The following MGST2 variants were observed in gnomAD, a reference collection of about 807,000 sequenced individuals.
The protein encoded by MGST2 is glutathione peroxidase MGST2.
A neutral mutation model predicts 16.6 loss-of-function variants in MGST2; 9 were observed. The observed-to-expected ratio is 0.54, with a 90% CI of 0.33 to 0.95. The LOEUF is 0.95. Ranked by LOEUF, MGST2 falls within the 40% of genes least tolerant of loss-of-function variation. The pLI is 0.03. For synonymous variants in MGST2, 79 were observed against 68.0 expected (o/e 1.16, Z -0.79); for missense variants, 159 against 175.1 (o/e 0.91, Z 0.52).
chr4:139,722,856 A>G (rs1382249009), intron 5 of MGST2, among the ~76,000 whole-genome samples: 2 of 152,212 alleles, frequency 1.3e-5, no homozygotes, highest in Admixed American at 6.5e-5. Context: ...ACATCATGCT[A>G]TCTAGGGTGT....
chr4:139,750,987 C>A, the MGST2 span, among the ~76,000 whole-genome samples: 4 of 152,168 alleles, frequency 2.6e-5, no homozygotes, highest in Admixed American at 1.3e-4. Flanking sequence ...TGGCAAGCTG[C>A]CTCCTGTGAT....
downstream of MGST2, among the ~76,000 whole-genome samples, chr4:139,743,622 T>C (rs545788666): frequency 2.0e-5 from 3 of 152,286 alleles, no homozygotes; most frequent in South Asian, 4.1e-4. Context: ...ACCTGGAAAC[T>C]GAACTTGAAA....
intron 2 of MGST2, among the ~76,000 whole-genome samples, chr4:139,683,921 T>G (rs1023870856): frequency 2.2e-5 from 2 of 91,728 alleles, no homozygotes; most frequent in African/African-American, 5.6e-5. Context: ...AGTTTTGTGT[T>G]TTTTTTTTTT....
chr4:139,713,321 G>C (rs940235920), intron 5 of MGST2, among the ~76,000 whole-genome samples: 1 of 151,622 alleles, frequency 6.6e-6, no homozygotes, highest in Admixed American at 6.6e-5. Context: ...GGGGTTTCAA[G>C]ATAAAAACAG....
chr4:139,737,345 G>A (rs35408432), intron 5 of MGST2, among the ~76,000 whole-genome samples: 62,315 of 146,214 alleles, frequency 0.43, 13,806 homozygotes, highest in South Asian at 0.59. Flanking sequence ...ATTTCTGAGA[G>A]GTTAAGGAAC....
In MGST2 at chr4:139,698,373, A is replaced by G. The variant is rs1482221684; in HGVS notation, c.229+3106A>G. 2.5e-6 allele frequency: 4 copies of G among 1,606,804 alleles called. No individual in the cohort carries two copies. The African/African-American group carries it at 5.3e-5, about 21-fold the overall frequency. ...CTGGAAGGGAAGTTTGCGAACCAGA[A>G]GTTCAGTGGACTTCTGATAACGTCT... On this transcript the variant is annotated intron_variant, in intron 3 of 4. Coordinates refer to ENST00000265498, the MANE Select transcript of MGST2 (RefSeq NM_002413.5).
intron 5 of MGST2, among the ~76,000 whole-genome samples, chr4:139,732,609 T>C (rs1728771707): frequency 6.6e-6 from 1 of 152,052 alleles, no homozygotes; most frequent in African/African-American, 2.4e-5. Context: ...TAGCTTGTCT[T>C]TACTTTTTTA....
chr4:139,667,608 C>T (rs1164312325), intron 1 of MGST2, among the ~76,000 whole-genome samples: 4 of 152,044 alleles, frequency 2.6e-5, no homozygotes, highest in Non-Finnish European at 4.4e-5. Flanking sequence ...CCCTGTAATC[C>T]GAGTACTTTG....
intron 1 of MGST2, among the ~76,000 whole-genome samples, chr4:139,667,787 G>T (rs1187429608): frequency 1.3e-5 from 2 of 152,112 alleles, no homozygotes; most frequent in Admixed American, 6.5e-5. Context: ...GAACCTGGGA[G>T]GGGGAGGTTG....
At chr4:139,689,106 CAAAAAAAAAA>C (rs746270352) in intron 2 of MGST2, among the ~76,000 whole-genome samples, 1 of 62,396 alleles carries the variant, frequency 1.6e-5, no homozygotes, top group Non-Finnish European at 3.0e-5. Context: ...GACGCCATCT[CAAAAAAAAAA>C]AAAAAAAAAA....
chr4:139,754,265 T>G, the MGST2 span, among the ~76,000 whole-genome samples: 2 of 152,364 alleles, frequency 1.3e-5, no homozygotes, highest in East Asian at 3.9e-4. Context: ...GTTTATGTTC[T>G]TATAGTTCTT....
chr4:139,732,976 C>A (rs1019264708), intron 5 of MGST2, among the ~76,000 whole-genome samples: 1 of 152,182 alleles, frequency 6.6e-6, no homozygotes, highest in African/African-American at 2.4e-5. Context: ...TGCCAGGAAC[C>A]TTTGTGCTAC....
At chr4:139,749,598 T>G in the MGST2 span, among the ~76,000 whole-genome samples, 1 of 152,224 alleles carries the variant, frequency 6.6e-6, no homozygotes, top group Non-Finnish European at 1.5e-5. Flanking sequence ...CATGAGTCTG[T>G]CAGAACACGT....
chr4:139,668,409 T>G (rs1730484482), intron 1 of MGST2, among the ~76,000 whole-genome samples: 1 of 152,196 alleles, frequency 6.6e-6, no homozygotes, highest in Admixed American at 6.5e-5. Flanking sequence ...AAGAGACAAC[T>G]TTGCAGGACC....
chr4:139,710,033 A>G (rs1395628398), intron 5 of MGST2, among the ~76,000 whole-genome samples: 1 of 152,194 alleles, frequency 6.6e-6, no homozygotes, highest in Non-Finnish European at 1.5e-5. Context: ...AAAGGTAAAG[A>G]CTGGTTACCC....
At chr4:139,682,523 A>T (rs1184106834) in intron 2 of MGST2, among the ~76,000 whole-genome samples, 1 of 152,198 alleles carries the variant, frequency 6.6e-6, no homozygotes. Context: ...CAGAGAGGTC[A>T]TAGACGGCTG....
chr4:139,709,274 T>G (rs948358546), intron 5 of MGST2, among the ~76,000 whole-genome samples: 3 of 151,866 alleles, frequency 2.0e-5, no homozygotes, highest in East Asian at 2.0e-4. Flanking sequence ...TAGTAGAGAC[T>G]GGGTTTCACC....
At chr4:139,724,243 A>G (rs920627372) in intron 5 of MGST2, among the ~76,000 whole-genome samples, 1 of 152,206 alleles carries the variant, frequency 6.6e-6, no homozygotes, top group Non-Finnish European at 1.5e-5. Flanking sequence ...GTGATCTTCA[A>G]TGTGATCTGT....
At chr4:139,666,536 A>G (rs1438663669) in intron 1 of MGST2, among the ~76,000 whole-genome samples, 1 of 152,280 alleles carries the variant, frequency 6.6e-6, no homozygotes, top group African/African-American at 2.4e-5. Context: ...TAAACTGCCT[A>G]TGGTGGTATG....
Sources: gnomAD v4.1 joint callset for allele counts (sites outside exome capture counted in the v4.1 genomes callset) on GRCh38, gnomAD v4.1.1 for gene constraint, MANE v1.5 for transcripts, NCBI Gene and HGNC (gene_info 2026-07-23, HGNC 2026-07-21) for gene names.